Variants in TCF20 observed in about 807,000 individuals in gnomAD.
TCF20 encodes the protein transcription factor 20.
TCF20 carries 3 observed loss-of-function variants against 148.6 expected under a neutral mutation model. The ratio of observed to expected loss-of-function variants is 0.02; its 90% CI spans 0.01 to 0.05. The LOEUF (loss-of-function observed/expected upper bound fraction) is 0.05. Ranked by LOEUF, TCF20 falls within the 10% of genes least tolerant of loss-of-function variation. TCF20 has a pLI of 1.00. For missense variants in TCF20, 2,350 were observed against 2,429.3 expected (o/e 0.97, Z 0.69); for synonymous variants, 1,049 against 909.5 (o/e 1.15, Z -2.76).
At position 42,169,363 on chromosome 22, in the gene TCF20, C is replaced by T. The variant is rs573533016; in HGVS notation, c.5799+484G>A. On this transcript the variant is annotated intron_variant, in intron 4 of 5. Coordinates refer to ENST00000677622, the MANE Select transcript of TCF20 (RefSeq NM_001378418.1). ...ACTGGGAAGTGGAGCCCGAGACAGCCCATCCACTGTGCATCAGGCTGCTTC... is the reference window on the plus strand; with the variant it reads ...ACTGGGAAGTGGAGCCCGAGACAGCTCATCCACTGTGCATCAGGCTGCTTC... Among the ~76,000 whole-genome samples, 93 of 152,036 alleles carry T rather than the reference C, an allele frequency of 6.1e-4. 1 individual carries two copies. The highest frequency in any genetic ancestry group is 1.2e-3 in the Non-Finnish European group (83 of 68,012).
rs138017679 is a variant in TCF20 at position 42,207,582 on chromosome 22, G to A, written c.5655+2069C>T. On this transcript the variant is annotated intron_variant, in intron 2 of 5. Transcript: ENST00000677622. ...TGTAATCCCAGCACTTTGGGAGGCCGAGGTGGGCGGATCACCTGAGGTCAG... is the reference window on the plus strand; with the variant it reads ...TGTAATCCCAGCACTTTGGGAGGCCAAGGTGGGCGGATCACCTGAGGTCAG... Among the ~76,000 whole-genome samples the A allele has an allele frequency of 7.8e-3, 1,185 of 152,244 alleles. 11 individuals are homozygous for A. Among genetic ancestry groups the A allele is most frequent in the African/African-American group, 0.027 (1,125 of 41,526 alleles).
In TCF20 at chr22:42,250,786, A is replaced by G. The variant is rs1316458904; in HGVS notation, c.-37+19553T>C. Among the ~76,000 whole-genome samples, 3 of 152,252 alleles carry G rather than the reference A, an allele frequency of 2.0e-5. No individual in the cohort carries two copies. The East Asian group carries it at 5.8e-4, about 29-fold the overall frequency. ...GAATACTTAAAAGAAAAGAGATTTA[A>G]TTGGCTTACAGTTCTGCAGGCTGTA... On this transcript the variant is annotated intron_variant, in intron 1 of 5. Transcript: ENST00000677622.
intron 1 of TCF20, among the ~76,000 whole-genome samples, chr22:42,265,764 T>C (rs1199612843): frequency 1.3e-5 from 2 of 152,188 alleles, no homozygotes; most frequent in South Asian, 2.1e-4. Flanking sequence ...CCAGTCGAAC[T>C]GAGTGAGAGC....
At chr22:42,181,593 C>A (rs1213819911) in intron 2 of TCF20, among the ~76,000 whole-genome samples, 3 of 150,458 alleles carry the variant, frequency 2.0e-5, no homozygotes, top group African/African-American at 7.4e-5. Context: ...TGCACTCCCC[C>A]CAACCTTTTT....
intron 2 of TCF20, among the ~76,000 whole-genome samples, chr22:42,183,899 G>A (rs1466282050): frequency 6.6e-6 from 1 of 151,892 alleles, no homozygotes; most frequent in Non-Finnish European, 1.5e-5. Flanking sequence ...CTCCCGAGTA[G>A]ATGGGATTAC....
chr22:42,332,028 A>G (rs552462870), intron 1 of TCF20, among the ~76,000 whole-genome samples: 1 of 152,364 alleles, frequency 6.6e-6, no homozygotes, highest in South Asian at 2.1e-4. Context: ...GACAGGAAGG[A>G]AGAGTGAGTG....
chr22:42,167,477 G>A (rs1935857849), intron 5 of TCF20, among the ~76,000 whole-genome samples: 1 of 152,186 alleles, frequency 6.6e-6, no homozygotes, highest in African/African-American at 2.4e-5. Flanking sequence ...GAGACAACTA[G>A]TCCTCCTGCC....
At chr22:42,229,056 G>C (rs1923162652) in intron 1 of TCF20, among the ~76,000 whole-genome samples, 1 of 152,234 alleles carries the variant, frequency 6.6e-6, no homozygotes, top group African/African-American at 2.4e-5. Flanking sequence ...GGCTAACTTG[G>C]AGTGACTGAT....
At chr22:42,183,198 AGGATTACT>A in intron 2 of TCF20, among the ~76,000 whole-genome samples, 1 of 152,350 alleles carries the variant, frequency 6.6e-6, no homozygotes, top group East Asian at 1.9e-4. Flanking sequence ...TGGGTGAGCT[AGGATTACT>A]GGATTACTGG....
At chr22:42,256,444 C>T (rs1031106928) in intron 1 of TCF20, among the ~76,000 whole-genome samples, 1 of 150,426 alleles carries the variant, frequency 6.6e-6, no homozygotes, top group Admixed American at 6.6e-5. Flanking sequence ...AGCCAACTTT[C>T]AGCACATGCG....
intron 1 of TCF20, among the ~76,000 whole-genome samples, chr22:42,340,675 G>C (rs1045850159): frequency 6.6e-6 from 1 of 152,188 alleles, no homozygotes; most frequent in Non-Finnish European, 1.5e-5. Context: ...CCATTCCTGG[G>C]ACAAGGACAT....
Position 42,213,324 on chromosome 22 carries a change from C to G in TCF20, c.1982G>C (p.Gly661Ala), listed in dbSNP as rs1412239726. ...SLPQPEPPGG[G>A]GSKGNKNGDN... Reference sequence around the variant, plus strand: ...GCCATTCTTGTTTCCTTTGCTCCCTCCTCCTCCTGGAGGCTCTGGCTGGGG... The same window carrying G: ...GCCATTCTTGTTTCCTTTGCTCCCTGCTCCTCCTGGAGGCTCTGGCTGGGG... Residue 661 changes from glycine (G) to alanine (A), a missense_variant, in exon 2 of 6, where the codon GGA (glycine) becomes GCA (alanine). Transcript: ENST00000677622. 6.2e-7 allele frequency: 1 copy of G among 1,614,220 alleles called. No homozygotes were observed. The highest frequency in any genetic ancestry group is 1.1e-5 in the South Asian group (1 of 91,082).
Position 42,263,104 on chromosome 22 carries a change from G to A in TCF20, c.-37+7235C>T, listed in dbSNP as rs138148611. Among the ~76,000 whole-genome samples, 617 of 152,188 alleles carry A rather than the reference G, an allele frequency of 4.1e-3. 3 individuals are homozygous for A. The highest frequency in any genetic ancestry group is 0.013 in the African/African-American group (554 of 41,506). ...ACAGCCCAAAAGAAGATATATCTCC[G>A]TTGCACAGATAAGGAAACTACAGCT... On this transcript the variant is annotated intron_variant, in intron 1 of 5. Transcript: ENST00000677622.
At position 42,243,292 on chromosome 22, in the gene TCF20, C is replaced by CAAAAAAAAAAAAAAAA. The variant is rs3045578; in HGVS notation, c.-37+27031_-37+27046dup. Among the ~76,000 whole-genome samples, 29 of 39,500 alleles carry CAAAAAAAAAAAAAAAA rather than the reference C, an allele frequency of 7.3e-4. 6 individuals are homozygous for CAAAAAAAAAAAAAAAA. The highest frequency in any genetic ancestry group is 2.6e-3 in the South Asian group (2 of 758). 25.9% of individuals were successfully genotyped at this position (39,500 alleles called of 152,430 possible). ...TGGCTGGCAGAGCAAGACACTGTCT[C>CAAAAAAAAAAAAAAAA]AAAAAAAAAAAAAAAAAAAAAAAAA... On this transcript the variant is annotated intron_variant, in intron 1 of 5. Coordinates refer to ENST00000677622, the MANE Select transcript of TCF20 (RefSeq NM_001378418.1).
At chr22:42,294,031 T>C (rs1927181214) in intron 1 of TCF20, among the ~76,000 whole-genome samples, 1 of 152,184 alleles carries the variant, frequency 6.6e-6, no homozygotes, top group South Asian at 2.1e-4. Flanking sequence ...ATGTCTCCAT[T>C]TGGGCTCTCA....
chr22:42,303,470 C>G (rs1449919691), intron 1 of TCF20, among the ~76,000 whole-genome samples: 1 of 152,282 alleles, frequency 6.6e-6, no homozygotes, highest in Non-Finnish European at 1.5e-5. Context: ...CAGTCGAGCT[C>G]TGTAACCTGC....
At chr22:42,183,339 G>A (rs529766726) in intron 2 of TCF20, among the ~76,000 whole-genome samples, 1 of 152,320 alleles carries the variant, frequency 6.6e-6, no homozygotes, top group African/African-American at 2.4e-5. Flanking sequence ...ATGAGATTAA[G>A]TCAAGGACCT....
chr22:42,309,599 G>A (rs1601701869), intron 1 of TCF20, among the ~76,000 whole-genome samples: 1 of 150,390 alleles, frequency 6.6e-6, no homozygotes, highest in African/African-American at 2.5e-5. Context: ...CACCCCAACC[G>A]TGCCCGTGGC....
chr22:42,188,383 C>T (rs4349441), intron 2 of TCF20, among the ~76,000 whole-genome samples: 6,376 of 149,336 alleles, frequency 0.043, 195 homozygotes, highest in Non-Finnish European at 0.07. Context: ...GTGAAGGTAA[C>T]CCTTGGCTAA....
Sources: gnomAD v4.1 joint callset for allele counts (sites outside exome capture counted in the v4.1 genomes callset) on GRCh38, gnomAD v4.1.1 for gene constraint, MANE v1.5 for transcripts, NCBI Gene and HGNC (gene_info 2026-07-23, HGNC 2026-07-21) for gene names.